Variants in GALNT7 observed in about 807,000 individuals in gnomAD.
GALNT7 encodes the protein N-acetylgalactosaminyltransferase 7.
In GALNT7, 60 loss-of-function variants were observed where a neutral mutation model predicts 82.1. That is an observed-to-expected ratio of 0.73 (90% CI 0.59 to 0.91). The LOEUF (loss-of-function observed/expected upper bound fraction) is 0.91, where lower values mean the gene tolerates loss of function less well. GALNT7 is among the 40% of genes least tolerant of loss of function. The pLI is 0.00. For missense variants in GALNT7, 660 were observed against 804.2 expected (o/e 0.82, Z 2.17); for synonymous variants, 243 against 275.1 (o/e 0.88, Z 1.15).
chr4:173,282,542 T>C (rs562899957), intron 2 of GALNT7: 1 of 152,208 alleles, frequency 6.6e-6, no homozygotes, highest in African/African-American at 2.4e-5. Context: ...GAACTCTAAC[T>C]GCTGTTAGGG....
intron 8 of GALNT7, among the ~76,000 whole-genome samples, chr4:173,304,532 C>T (rs906852607): frequency 1.1e-4 from 17 of 151,910 alleles, no homozygotes; most frequent in African/African-American, 3.1e-4. Context: ...ACATGTATTA[C>T]GTCACCTACT....
At chr4:173,183,533 G>A (rs1256462218) in intron 1 of GALNT7, among the ~76,000 whole-genome samples, 1 of 151,954 alleles carries the variant, frequency 6.6e-6, no homozygotes, top group African/African-American at 2.4e-5. Flanking sequence ...ACAAAATGGA[G>A]TCTCCTATGT....
At chr4:173,243,575 A>G (rs1261338459) in intron 1 of GALNT7, among the ~76,000 whole-genome samples, 1 of 152,184 alleles carries the variant, frequency 6.6e-6, no homozygotes, top group African/African-American at 2.4e-5. Flanking sequence ...TCAGGGGAGT[A>G]AAGTATTACA....
At chr4:173,233,271 T>C (rs1376360112) in intron 1 of GALNT7, among the ~76,000 whole-genome samples, 1 of 152,228 alleles carries the variant, frequency 6.6e-6, no homozygotes, top group African/African-American at 2.4e-5. Context: ...ATGGGTGGGT[T>C]GTATGGTAGT....
At chr4:173,202,329 A>G (rs2126655396) in intron 1 of GALNT7, among the ~76,000 whole-genome samples, 1 of 152,298 alleles carries the variant, frequency 6.6e-6, no homozygotes, top group South Asian at 2.1e-4. Flanking sequence ...ACTCTTTACC[A>G]TACATTATAG....
At chr4:173,317,423 A>G (rs1737643987) in intron 9 of GALNT7, 2 of 466,654 alleles carry the variant, frequency 4.3e-6, no homozygotes, top group African/African-American at 4.0e-5. Flanking sequence ...CTTTGCTCTT[A>G]GAGAAAGAAC....
chr4:173,254,164 G>A (rs562227567), intron 2 of GALNT7, among the ~76,000 whole-genome samples: 95 of 152,246 alleles, frequency 6.2e-4, no homozygotes, highest in African/African-American at 2.0e-3. Flanking sequence ...TAAGAGCTAT[G>A]CACATGTTAG....
intron 6 of GALNT7, 86 bp from the exon 7 acceptor site, chr4:173,301,961 C>G: frequency 5.8e-6 from 4 of 687,404 alleles, no homozygotes; most frequent in South Asian, 3.5e-5. Context: ...CATTTTCAGG[C>G]TGTATTCTAC....
At chr4:173,287,643 G>A (rs114082294) in intron 2 of GALNT7, among the ~76,000 whole-genome samples, 4,046 of 152,250 alleles carry the variant, frequency 0.027, 75 homozygotes, top group Non-Finnish European at 0.045. Flanking sequence ...CATAGGTGCC[G>A]CCCCATGTTT....
chr4:173,234,083 A>G (rs535329674), intron 1 of GALNT7, among the ~76,000 whole-genome samples: 5 of 152,182 alleles, frequency 3.3e-5, no homozygotes, highest in African/African-American at 1.2e-4. Context: ...TGCAATCCTC[A>G]TCTTGCTTGG....
At chr4:173,285,838 T>C (rs1267571773) in intron 2 of GALNT7, among the ~76,000 whole-genome samples, 1 of 152,184 alleles carries the variant, frequency 6.6e-6, no homozygotes, top group Non-Finnish European at 1.5e-5. Context: ...GAGGGGCTTA[T>C]CCACCTCTAA....
At chr4:173,225,015 AAAAAAT>A (rs1322350828) in intron 1 of GALNT7, among the ~76,000 whole-genome samples, 5 of 63,410 alleles carry the variant, frequency 7.9e-5, no homozygotes, top group East Asian at 3.4e-4. Context: ...ACTCTGTCTC[AAAAAAT>A]AATAATAATA....
intron 2 of GALNT7, among the ~76,000 whole-genome samples, chr4:173,290,503 A>G (rs1051297185): frequency 6.6e-6 from 1 of 152,178 alleles, no homozygotes; most frequent in Non-Finnish European, 1.5e-5. Flanking sequence ...TTTGACATCT[A>G]TTAGGGGATA....
At chr4:173,319,095 T>G (rs1385378961) in intron 11 of GALNT7, among the ~76,000 whole-genome samples, 1 of 152,082 alleles carries the variant, frequency 6.6e-6, no homozygotes, top group East Asian at 1.9e-4. Context: ...ATGGTCAAAT[T>G]TAGTTATTCA....
At chr4:173,202,466 G>A (rs1209150767) in intron 1 of GALNT7, among the ~76,000 whole-genome samples, 1 of 152,190 alleles carries the variant, frequency 6.6e-6, no homozygotes, top group Non-Finnish European at 1.5e-5. Context: ...GGGAGGAGGA[G>A]GAGGGATCTG....
At chr4:173,215,454 C>A (rs1733415622) in intron 1 of GALNT7, among the ~76,000 whole-genome samples, 1 of 152,112 alleles carries the variant, frequency 6.6e-6, no homozygotes. Context: ...TGGTCTTGAA[C>A]TCCTGACCTC....
In GALNT7 at chr4:173,302,102, T is replaced by C; in HGVS notation, c.1204T>C (p.Leu402=). ...CATTGAACGAGAGTTCTTCTTTGAA[T>C]TGGGTCTCTATGATCCAGGTCTCCA... ...FAIEREFFFE[L]GLYDPGLQIW... is the part of the protein sequence containing the mutation. The change falls in exon 7 of 12, where the codon TTG becomes CTG. Residue 402 remains leucine (L), a synonymous_variant. Coordinates refer to ENST00000265000, the MANE Select transcript of GALNT7 (RefSeq NM_017423.3). The surrounding 1 kb of genome is among the most constrained non-coding windows in gnomAD (Gnocchi z 4.2). The C allele has an allele frequency of 1.2e-6, 2 of 1,603,232 alleles. No individual in the cohort carries two copies. Among genetic ancestry groups the C allele is most frequent in the South Asian group, 1.1e-5 (1 of 90,844 alleles).
At chr4:173,197,440 A>G (rs1027609189) in intron 1 of GALNT7, among the ~76,000 whole-genome samples, 1 of 152,234 alleles carries the variant, frequency 6.6e-6, no homozygotes, top group African/African-American at 2.4e-5. Context: ...TTGTTAATCA[A>G]TTTAATTCAG....
intron 1 of GALNT7, among the ~76,000 whole-genome samples, chr4:173,179,248 T>C (rs1049997413): frequency 1.3e-5 from 2 of 152,248 alleles, no homozygotes; most frequent in Admixed American, 1.3e-4. Flanking sequence ...CAAAACTTTT[T>C]TGGAGCGAGT....
Sources: allele counts gnomAD v4.1 joint callset (sites outside exome capture counted in the v4.1 genomes callset), GRCh38; gene constraint gnomAD v4.1.1; non-coding constraint Gnocchi (gnomAD v3.1); transcripts MANE v1.5; gene names NCBI Gene and HGNC (gene_info 2026-07-23, HGNC 2026-07-21).